The following MKRN1 variants were observed in gnomAD, a reference collection of about 807,000 sequenced individuals.
MKRN1 encodes makorin ring finger protein 1, also known as E3 ubiquitin-protein ligase makorin-1.
Under a neutral mutation model 55.5 loss-of-function variants are expected in MKRN1, and 9 were observed. The ratio of observed to expected loss-of-function variants is 0.16; its 90% CI spans 0.10 to 0.28. The LOEUF (loss-of-function observed/expected upper bound fraction) is 0.28. MKRN1 is among the 10% of genes least tolerant of loss of function. The probability of loss-of-function intolerance (pLI) is 1.00; values close to 1 mark genes in which losing one functional copy is unlikely to be tolerated. For synonymous variants in MKRN1, 253 were observed against 235.9 expected (o/e 1.07, Z -0.66); for missense variants, 488 against 626.7 (o/e 0.78, Z 2.36).
chr7:140,465,829 C>A (rs1342654445), intron 2 of MKRN1, among the ~76,000 whole-genome samples: 1 of 152,084 alleles, frequency 6.6e-6, no homozygotes, highest in African/African-American at 2.4e-5. Flanking sequence ...CGCCTGTAAT[C>A]CCAGCCCTTT....
chr7:140,470,146 G>A (rs947763025), intron 2 of MKRN1, among the ~76,000 whole-genome samples: 8 of 151,440 alleles, frequency 5.3e-5, no homozygotes, highest in South Asian at 2.1e-4. Flanking sequence ...TCTCGAACGC[G>A]GGAGGCAGAG....
At chr7:140,473,375 T>G (rs1235337716) in intron 1 of MKRN1, 1 of 386,112 alleles carries the variant, frequency 2.6e-6, no homozygotes, top group Admixed American at 3.8e-5. Flanking sequence ...CCCCTACTGC[T>G]GTGCCTCTTA....
At chr7:140,472,038 G>A (rs750075580) in intron 1 of MKRN1, 27 bp from the exon 2 acceptor site, 2 of 1,613,006 alleles carry the variant, frequency 1.2e-6, no homozygotes, top group African/African-American at 2.7e-5. Flanking sequence ...CACAAAACTG[G>A]ATTAAAACCA....
chr7:140,479,540 C>T (rs537887239), upstream of MKRN1: 57 of 497,466 alleles, frequency 1.1e-4, 1 homozygote, highest in African/African-American at 8.9e-4. Context: ...CATGCGCGCC[C>T]GCGGCCCGCC....
chr7:140,454,120 C>G lies in MKRN1; in HGVS notation c.*397G>C. The G allele has an allele frequency of 3.7e-6, 1 of 267,472 alleles. No individual in the cohort carries two copies. Among genetic ancestry groups the G allele is most frequent in the South Asian group, 4.4e-5 (1 of 22,938 alleles). The allele number at this position is 267,472 out of a possible 1,614,324, so 16.6% of individuals were successfully genotyped here. A position where few individuals can be genotyped will look rare whatever the true frequency, so the allele number is the denominator to read the frequency against. On this transcript the variant is annotated 3_prime_UTR_variant, in exon 8 of 8. Coordinates refer to ENST00000255977, the MANE Select transcript of MKRN1 (RefSeq NM_013446.4). ...CAGAGGGCTATTGGCCAGCTTAGGTCCCTTCACCCATCACTCCTATTCTTG... is the reference window on the plus strand; with the variant it reads ...CAGAGGGCTATTGGCCAGCTTAGGTGCCTTCACCCATCACTCCTATTCTTG...
intron 1 of MKRN1, among the ~76,000 whole-genome samples, chr7:140,474,002 A>G (rs1338102359): frequency 1.3e-4 from 16 of 120,442 alleles, no homozygotes; most frequent in African/African-American, 5.4e-4. Context: ...CAAAAAAAAA[A>G]AAAAAAGAAA....
In MKRN1 at chr7:140,454,602, C is replaced by G. The variant is rs1415902255; in HGVS notation, c.1364G>C (p.Gly455Ala). Reference protein sequence around the residue: ...GEMLLMLLAAGGDDELTDSED... With the variant: ...GEMLLMLLAAAGDDELTDSED... Reference sequence around the variant, plus strand: ...AGAGTCTGTTAGTTCGTCGTCCCCACCTGCAGCCAAAAGCATAAGCAACAT... The same window carrying G: ...AGAGTCTGTTAGTTCGTCGTCCCCAGCTGCAGCCAAAAGCATAAGCAACAT... Residue 455 changes from glycine to alanine, a missense_variant, in exon 8 of 8, where the codon GGT (glycine) becomes GCT (alanine). Physicochemically the swap from Gly to Ala is moderately conservative, Grantham distance 60. This residue lies in a region of MKRN1 where 278 missense variants were observed against 406.7 expected (regional missense o/e 0.68). Coordinates refer to ENST00000255977, the MANE Select transcript of MKRN1 (RefSeq NM_013446.4). 6.2e-7 allele frequency: 1 copy of G among 1,613,850 alleles called. No homozygotes were observed. Among genetic ancestry groups the G allele is most frequent in the Non-Finnish European group, 8.5e-7 (1 of 1,179,886 alleles).
chr7:140,479,482 C>G lies in MKRN1; in HGVS notation c.-138G>C. 3.3e-6 allele frequency: 3 copies of G among 922,538 alleles called. No homozygotes were observed. Among genetic ancestry groups the G allele is most frequent in the Non-Finnish European group, 4.3e-6 (3 of 701,114 alleles). The allele number at this position is 922,538 out of a possible 1,614,324, so 57.1% of individuals were successfully genotyped here. A position where few individuals can be genotyped will look rare whatever the true frequency, so the allele number is the denominator to read the frequency against. On this transcript the variant is annotated 5_prime_UTR_variant, in exon 1 of 8. Transcript: ENST00000255977. ...GCACCCGTTCGGTCCCCGCCTGCTACGCGTCGCGTATCTGAGCGCTCTCGC... is the reference window on the plus strand; with the variant it reads ...GCACCCGTTCGGTCCCCGCCTGCTAGGCGTCGCGTATCTGAGCGCTCTCGC...
Position 140,455,883 on chromosome 7 carries a change from C to G in MKRN1, c.1004G>C (p.Arg335Pro). The G allele has an allele frequency of 1.2e-6, 2 of 1,613,898 alleles. No homozygotes were observed. The stretch of plus-strand genomic sequence containing the variant: ...TGGAATGACAAAGTTAGATGTGATC[C>G]GGCATTCTGGGCAGGACCTGGGAAA... ...SKIIKSCPEC[R>P]ITSNFVIPSE... Residue 335 changes from arginine to proline, a missense_variant, in exon 6 of 8, where the codon CGG (arginine) becomes CCG (proline). Arg to Pro is a moderately radical substitution (Grantham distance 103). Around this residue, in one of 2 missense-constraint regions of MKRN1, gnomAD observed 278 missense variants for 406.7 expected, o/e 0.68. Coordinates refer to ENST00000255977, the MANE Select transcript of MKRN1 (RefSeq NM_013446.4).
intron 1 of MKRN1, among the ~76,000 whole-genome samples, chr7:140,476,772 G>A (rs897760255): frequency 1.3e-5 from 2 of 151,668 alleles, no homozygotes. Context: ...TTCTCAGAGA[G>A]CTCAAAGTGA....
Position 140,455,179 on chromosome 7 carries a change from C to T in MKRN1, c.1152G>A (p.Gly384=), listed in dbSNP as rs149055577. Residue 384 remains glycine (G), a synonymous_variant, in exon 7 of 8, where the codon GGG becomes GGA. Coordinates refer to ENST00000255977, the MANE Select transcript of MKRN1 (RefSeq NM_013446.4). ...GGTACGCATGCTTGTAAAAACAGTT[C>T]CCTCCAAATGGGCAGCTCCCACGTC... ...DEGRGSCPFG[G]NCFYKHAYPD... is the part of the protein sequence containing the mutation. 21 of 1,613,958 alleles carry T rather than the reference C, an allele frequency of 1.3e-5. No homozygotes were observed. The African/African-American group carries it at 2.3e-4, about 17-fold the overall frequency.
intron 1 of MKRN1, among the ~76,000 whole-genome samples, chr7:140,472,561 T>C (rs1175847522): frequency 6.6e-6 from 1 of 151,620 alleles, no homozygotes. Context: ...GCTAATTTCT[T>C]GTATTTTTAG....
intron 1 of MKRN1, 195 bp from the exon 2 acceptor site, chr7:140,472,206 A>C: frequency 3.0e-6 from 2 of 658,526 alleles, no homozygotes; most frequent in Non-Finnish European, 4.9e-6. Context: ...GGCTCACCTG[A>C]GGTCAGGGGT....
chr7:140,454,413 A>G lies in MKRN1; in HGVS notation c.*104T>C. ...TAAAAATTCTTAGGACAGCACCTGG[A>G]GTTGAGAGGCCTGCCTAGGAGAGAA... On this transcript the variant is annotated 3_prime_UTR_variant, in exon 8 of 8. Transcript: ENST00000255977. 1 of 1,095,760 alleles carries G rather than the reference A, an allele frequency of 9.1e-7. No individual in the cohort carries two copies. The highest frequency in any genetic ancestry group is 1.4e-6 in the Non-Finnish European group (1 of 739,514). 67.9% of individuals were successfully genotyped at this position (1,095,760 alleles called of 1,614,324 possible). A position where few individuals can be genotyped will look rare whatever the true frequency, so the allele number is the denominator to read the frequency against.
At chr7:140,467,832 G>A (rs890878961) in intron 2 of MKRN1, among the ~76,000 whole-genome samples, 25 of 151,586 alleles carry the variant, frequency 1.6e-4, no homozygotes, top group Non-Finnish European at 3.5e-4. Flanking sequence ...GAGAAACCCC[G>A]CCTCTACTAA....
chr7:140,479,465 T>C lies in MKRN1; in HGVS notation c.-121A>G, dbSNP rs1795228595. On this transcript the variant is annotated 5_prime_UTR_variant, in exon 1 of 8. Transcript: ENST00000255977. ...AGGGGAAGGACACTGAGGCACCCGT[T>C]CGGTCCCCGCCTGCTACGCGTCGCG... The C allele has an allele frequency of 9.6e-7, 1 of 1,043,742 alleles. No homozygotes were observed. The highest frequency in any genetic ancestry group is 1.2e-6 in the Non-Finnish European group (1 of 812,872). 64.7% of individuals were successfully genotyped at this position (1,043,742 alleles called of 1,614,324 possible).
In MKRN1 at chr7:140,453,911, A is replaced by G. The variant is rs1413071740; in HGVS notation, c.*606T>C. The stretch of plus-strand genomic sequence containing the variant: ...TTTTCCTATCATGCAAAACAGTAAA[A>G]AATCTCAACACATTCACACCTGATT... On this transcript the variant is annotated 3_prime_UTR_variant, in exon 8 of 8. Transcript: ENST00000255977. 1 of 156,806 alleles carries G rather than the reference A, an allele frequency of 6.4e-6. No individual in the cohort carries two copies. Among genetic ancestry groups the G allele is most frequent in the Non-Finnish European group, 1.4e-5 (1 of 70,384 alleles). The allele number at this position is 156,806 out of a possible 1,614,324, so 9.7% of individuals were successfully genotyped here.
intron 1 of MKRN1, among the ~76,000 whole-genome samples, chr7:140,474,050 A>G (rs2130359477): frequency 8.0e-6 from 1 of 124,684 alleles, no homozygotes; most frequent in African/African-American, 3.8e-5. Context: ...AGAAAGAAAG[A>G]AAGAAAGAAA....
At chr7:140,469,257 C>T (rs1585486321) in intron 2 of MKRN1, among the ~76,000 whole-genome samples, 1 of 151,102 alleles carries the variant, frequency 6.6e-6, no homozygotes, top group Admixed American at 6.6e-5. Flanking sequence ...ACCCGGGAGG[C>T]GGAGCTTGCA....
Sources: gnomAD v4.1 joint callset for allele counts (sites outside exome capture counted in the v4.1 genomes callset) on GRCh38, gnomAD v4.1.1 for gene constraint, gnomAD v4.1.1 regional missense constraint, MANE v1.5 for transcripts, NCBI Gene and HGNC (gene_info 2026-07-23, HGNC 2026-07-21) for gene names.